CTNNA3: variants seen among roughly 807,000 people sequenced by gnomAD.
CTNNA3 encodes the protein catenin alpha 3, also known as catenin alpha-3.
CTNNA3 carries 76 observed loss-of-function variants against 95.7 expected under a neutral mutation model. That is an observed-to-expected ratio of 0.79 (90% CI 0.66 to 0.96). The LOEUF (loss-of-function observed/expected upper bound fraction) is 0.96, where lower values mean the gene tolerates loss of function less well. CTNNA3 is among the 40% of genes least tolerant of loss of function. CTNNA3 has a pLI of 0.00. For missense variants in CTNNA3, 1,191 were observed against 1,089.8 expected (o/e 1.09, Z -1.31); for synonymous variants, 431 against 374.4 (o/e 1.15, Z -1.74).
chr10:66,998,420 CA>C (rs1400315422), intron 7 of CTNNA3, among the ~76,000 whole-genome samples: 3 of 152,048 alleles, frequency 2.0e-5, no homozygotes, highest in Non-Finnish European at 4.4e-5. Context: ...CAAAATATAT[CA>C]ATAACCCAAT....
At position 67,442,800 on chromosome 10, in the gene CTNNA3, T is replaced by A. The variant is rs867727716; in HGVS notation, c.579+79042A>T. ...TTTAACACCCTACTTTCTTTTTTTT[T>A]AATTATTATTATACTTTAAGTTTTA... is the stretch of plus-strand genomic sequence containing the variant. On this transcript the variant is annotated intron_variant, in intron 5 of 17. Transcript: ENST00000433211. Among the ~76,000 whole-genome samples, 17 of 152,150 alleles carry A rather than the reference T, an allele frequency of 1.1e-4. No individual in the cohort carries two copies. The South Asian group carries it at 1.2e-3, about 11-fold the overall frequency.
At chr10:67,709,483 C>T (rs1033997936) in intron 1 of CTNNA3, among the ~76,000 whole-genome samples, 2 of 152,136 alleles carry the variant, frequency 1.3e-5, no homozygotes, top group African/African-American at 4.8e-5. Context: ...GACAAAGATT[C>T]CTTGCTTGAC....
chr10:66,949,930 A>G (rs1324306305), intron 7 of CTNNA3, among the ~76,000 whole-genome samples: 4 of 152,230 alleles, frequency 2.6e-5, no homozygotes, highest in Admixed American at 6.5e-5. Flanking sequence ...AAAGCCAGAC[A>G]TTAAATAGAA....
intron 15 of CTNNA3, among the ~76,000 whole-genome samples, chr10:66,051,326 G>A (rs1320485760): frequency 1.3e-5 from 2 of 152,188 alleles, no homozygotes; most frequent in East Asian, 3.9e-4. Flanking sequence ...ATGCATGCAT[G>A]AATGAATGAG....
At chr10:66,292,146 C>T (rs569613427) in intron 12 of CTNNA3, among the ~76,000 whole-genome samples, 7 of 151,662 alleles carry the variant, frequency 4.6e-5, no homozygotes, top group South Asian at 2.1e-4. Context: ...ACATATGTTT[C>T]GTATCATCAG....
At chr10:67,160,628 G>T (rs996499186) in intron 7 of CTNNA3, among the ~76,000 whole-genome samples, 2 of 151,772 alleles carry the variant, frequency 1.3e-5, no homozygotes, top group Admixed American at 1.3e-4. Flanking sequence ...GTAGAAACGG[G>T]GTTTTGCCAT....
intron 5 of CTNNA3, among the ~76,000 whole-genome samples, chr10:67,395,693 A>G (rs1056374088): frequency 6.6e-6 from 1 of 152,236 alleles, no homozygotes; most frequent in Non-Finnish European, 1.5e-5. Flanking sequence ...ATAGTAGGAA[A>G]CATTTTCAGA....
At chr10:65,927,739 A>G (rs768072980) in intron 17 of CTNNA3, among the ~76,000 whole-genome samples, 1 of 152,172 alleles carries the variant, frequency 6.6e-6, no homozygotes, top group Non-Finnish European at 1.5e-5. Flanking sequence ...ATTTGCTATA[A>G]TAAATAAAGT....
chr10:66,034,943 T>A (rs142952945), intron 15 of CTNNA3, among the ~76,000 whole-genome samples: 65 of 152,358 alleles, frequency 4.3e-4, no homozygotes, highest in African/African-American at 1.4e-3. Flanking sequence ...TTAAAATAGT[T>A]AATAACTGTA....
In CTNNA3 at chr10:66,824,908, G is replaced by T. The variant is rs545194610; in HGVS notation, c.1048-49384C>A. 1.3e-4 allele frequency among the ~76,000 whole-genome samples: 20 copies of T among 152,196 alleles called. No homozygotes were observed. The East Asian group carries it at 3.9e-3, about 29-fold the overall frequency. Reference sequence around the variant, plus strand: ...AGTGTGGAGTTTGGTTAACATTAATGTGCTAATGCCAGTTTCTTAATTTTG... The same window carrying T: ...AGTGTGGAGTTTGGTTAACATTAATTTGCTAATGCCAGTTTCTTAATTTTG... On this transcript the variant is annotated intron_variant, in intron 7 of 17. Coordinates refer to ENST00000433211, the MANE Select transcript of CTNNA3 (RefSeq NM_013266.4).
chr10:67,376,480 T>C (rs1400263635), intron 5 of CTNNA3, among the ~76,000 whole-genome samples: 1 of 152,222 alleles, frequency 6.6e-6, no homozygotes, highest in Non-Finnish European at 1.5e-5. Flanking sequence ...CATCAAACAG[T>C]TGATTTCTGG....
intron 1 of CTNNA3, among the ~76,000 whole-genome samples, chr10:67,650,762 C>A (rs760724129): frequency 1.3e-5 from 2 of 152,172 alleles, no homozygotes; most frequent in East Asian, 3.9e-4. Context: ...TATTACAGCA[C>A]GAACCACGTT....
intron 7 of CTNNA3, among the ~76,000 whole-genome samples, chr10:67,054,047 T>C (rs1855277390): frequency 6.6e-6 from 1 of 152,164 alleles, no homozygotes; most frequent in South Asian, 2.1e-4. Context: ...ATTCTGTCCA[T>C]CTTTGCAGAT....
intron 6 of CTNNA3, among the ~76,000 whole-genome samples, chr10:67,193,977 TA>T (rs1863236687): frequency 2.0e-5 from 3 of 152,216 alleles, no homozygotes; most frequent in Admixed American, 6.6e-5. Flanking sequence ...CAACATCTGT[TA>T]TTTTTTTACT....
chr10:67,674,665 G>A (rs963174271), intron 1 of CTNNA3, among the ~76,000 whole-genome samples: 5 of 152,072 alleles, frequency 3.3e-5, no homozygotes, highest in African/African-American at 1.2e-4. Flanking sequence ...CATCACTATT[G>A]TTTTGATTTG....
At chr10:67,514,321 A>G (rs1839739111) in intron 5 of CTNNA3, among the ~76,000 whole-genome samples, 2 of 152,150 alleles carry the variant, frequency 1.3e-5, no homozygotes, top group African/African-American at 4.8e-5. Flanking sequence ...AAAATAAAAT[A>G]AAACAGTTAG....
At chr10:65,935,503 A>G (rs746028425) in intron 17 of CTNNA3, among the ~76,000 whole-genome samples, 16 of 152,144 alleles carry the variant, frequency 1.1e-4, no homozygotes, top group Non-Finnish European at 4.4e-5. Context: ...ATTTGAAAAG[A>G]CTGGTTTTTA....
chr10:66,529,252 C>T (rs1841374364), intron 10 of CTNNA3, among the ~76,000 whole-genome samples: 1 of 151,990 alleles, frequency 6.6e-6, no homozygotes, highest in Admixed American at 6.6e-5. Flanking sequence ...CCTCAGCCTC[C>T]TGAGTAGCTG....
chr10:66,890,829 G>A (rs1845240490), intron 7 of CTNNA3, among the ~76,000 whole-genome samples: 1 of 152,030 alleles, frequency 6.6e-6, no homozygotes, highest in Non-Finnish European at 1.5e-5. Flanking sequence ...GGTGATGCAG[G>A]GACGATGCCA....
Sources: gnomAD v4.1 joint callset for allele counts (sites outside exome capture counted in the v4.1 genomes callset) on GRCh38, gnomAD v4.1.1 for gene constraint, MANE v1.5 for transcripts, NCBI Gene and HGNC (gene_info 2026-07-23, HGNC 2026-07-21) for gene names.